B4GALT4: variants seen among roughly 807,000 people sequenced by gnomAD.
B4GALT4 encodes N-acetyllactosamine synthase.
In B4GALT4, 27 loss-of-function variants were observed where a neutral mutation model predicts 37.3. That is an observed-to-expected ratio of 0.72 (90% confidence interval 0.53 to 1.00). The LOEUF is 1.00. B4GALT4 is among the 50% of genes least tolerant of loss of function. The pLI, the probability that B4GALT4 is intolerant of heterozygous loss-of-function variation, is 0.00. For missense variants in B4GALT4, 372 were observed against 413.1 expected, an observed-to-expected ratio of 0.90 and a Z score of 0.86; for synonymous variants, 148 against 154.1, an observed-to-expected ratio of 0.96 and a Z score of 0.29.
intron 6 of B4GALT4, among the ~76,000 whole-genome samples, chr3:119,218,280 T>C (rs73854433): frequency 0.029 from 4,386 of 152,270 alleles, 217 homozygotes; most frequent in African/African-American, 0.099. Context: ...CACTGGGAAC[T>C]GTGTCCCCAA....
intron 6 of B4GALT4, among the ~76,000 whole-genome samples, chr3:119,218,365 G>A (rs1344412171): frequency 6.6e-6 from 1 of 152,168 alleles, no homozygotes; most frequent in East Asian, 1.9e-4. Flanking sequence ...CTTGCAGTTT[G>A]GGGTTTCTCA....
chr3:119,233,610 T>TA lies in B4GALT4; in HGVS notation c.-146+3242dup, dbSNP rs1441938474. ...CATATACTGAGGGATGACTGTAATT[T>TA]AAAAAAACAAAAACAAAAAAACCTA... is the stretch of plus-strand genomic sequence containing the variant. On this transcript the variant is annotated intron_variant, in intron 2 of 7. Transcript: ENST00000393765. Among the ~76,000 whole-genome samples, 10 of 152,038 alleles carry TA rather than the reference T, an allele frequency of 6.6e-5. No individual in the cohort carries two copies. In the South Asian group the frequency reaches 8.3e-4, roughly 13 times the overall value.
In B4GALT4 at chr3:119,230,161, T is replaced by C. The variant is rs1161665590; in HGVS notation, c.-62A>G. 1 of 1,585,628 alleles carries C rather than the reference T, an allele frequency of 6.3e-7. No homozygotes were observed. Among genetic ancestry groups the C allele is most frequent in the African/African-American group, 1.4e-5 (1 of 73,872 alleles). On this transcript the variant is annotated 5_prime_UTR_variant, in exon 3 of 8. Coordinates refer to ENST00000393765, the MANE Select transcript of B4GALT4 (RefSeq NM_003778.4). Reference sequence around the variant, plus strand: ...TCACTGCAGGCAAGAAAGCTTCAAGTTGAGCTTTTCCAATCTGATTGCGAA... The same window carrying C: ...TCACTGCAGGCAAGAAAGCTTCAAGCTGAGCTTTTCCAATCTGATTGCGAA...
chr3:119,223,383 C>A (rs528895289), intron 5 of B4GALT4, among the ~76,000 whole-genome samples: 1 of 152,296 alleles, frequency 6.6e-6, no homozygotes, highest in South Asian at 2.1e-4. Flanking sequence ...TATAGTGTTT[C>A]ATTTGCAGAG....
Position 119,216,253 on chromosome 3 carries a change from C to T in B4GALT4, c.889G>A (p.Val297Met). The T allele has an allele frequency of 6.2e-7, 1 of 1,613,394 alleles. No individual in the cohort carries two copies. Among genetic ancestry groups the T allele is most frequent in the Non-Finnish European group, 8.5e-7 (1 of 1,179,620 alleles). Residue 297 changes from valine (V) to methionine (M), a missense_variant, in exon 7 of 8, where the codon GTG (valine) becomes ATG (methionine). Transcript: ENST00000393765. ...VFHTRDKGNEVNAERMKLLHQ... is the reference protein window; with the variant it reads ...VFHTRDKGNEMNAERMKLLHQ... ...GCCAGGACTTACCGTTCTGCGTTCA[C>T]CTCATTGCCTTTGTCTCTAGTGTGG...
chr3:119,230,779 A>G (rs2078788033), intron 2 of B4GALT4, among the ~76,000 whole-genome samples: 1 of 152,148 alleles, frequency 6.6e-6, no homozygotes, highest in African/African-American at 2.4e-5. Context: ...GGCACAGGGC[A>G]CATTGCAATG....
intron 2 of B4GALT4, chr3:119,233,234 A>T (rs1260940857): frequency 3.3e-5 from 5 of 152,206 alleles, no homozygotes; most frequent in Admixed American, 3.3e-4. Context: ...GATCTTAAAG[A>T]CCACACATCC....
chr3:119,212,193 C>T lies in B4GALT4; in HGVS notation c.*356G>A. 2.8e-6 allele frequency: 2 copies of T among 703,046 alleles called. No homozygotes were observed. Among genetic ancestry groups the T allele is most frequent in the Non-Finnish European group, 5.2e-6 (2 of 385,008 alleles). 43.6% of individuals were successfully genotyped at this position (703,046 alleles called of 1,614,324 possible). ...TCTCAGACATTCAGCAGTCTTATTT[C>T]CTGTGGCCTTTTATCCCATAATATA... On this transcript the variant is annotated 3_prime_UTR_variant, in exon 8 of 8. Coordinates refer to ENST00000393765, the MANE Select transcript of B4GALT4 (RefSeq NM_003778.4).
At chr3:119,234,389 G>A (rs1383063125) in intron 2 of B4GALT4, among the ~76,000 whole-genome samples, 1 of 152,120 alleles carries the variant, frequency 6.6e-6, no homozygotes, top group Non-Finnish European at 1.5e-5. Flanking sequence ...CAAAGTGCTG[G>A]GATTACAGGC....
chr3:119,240,740 G>C (rs2079135943), intron 1 of B4GALT4, 110 bp downstream of exon 1: 1 of 152,330 alleles, frequency 6.6e-6, no homozygotes, highest in Admixed American at 6.5e-5. Context: ...CCCCACGCCC[G>C]CCCCGCTACA....
At chr3:119,231,873 A>G (rs2078835247) in intron 2 of B4GALT4, among the ~76,000 whole-genome samples, 1 of 148,108 alleles carries the variant, frequency 6.8e-6, no homozygotes, top group Admixed American at 6.8e-5. Context: ...ATAAATGTAT[A>G]TATTTTTGTA....
chr3:119,238,923 A>G (rs2079065830), intron 1 of B4GALT4, among the ~76,000 whole-genome samples: 1 of 152,260 alleles, frequency 6.6e-6, no homozygotes, highest in African/African-American at 2.4e-5. Flanking sequence ...GAAAAACTTC[A>G]GAGGCTGTTA....
At chr3:119,229,484 G>A (rs889083649) in intron 3 of B4GALT4, among the ~76,000 whole-genome samples, 1 of 152,350 alleles carries the variant, frequency 6.6e-6, no homozygotes, top group Admixed American at 6.5e-5. Context: ...CATAACGTAT[G>A]CTTCCGATTT....
intron 3 of B4GALT4, among the ~76,000 whole-genome samples, chr3:119,229,441 C>T (rs4234657): frequency 0.74 from 112,497 of 152,236 alleles, 41,796 homozygotes; most frequent in African/African-American, 0.81. Flanking sequence ...ACAAAAGTAA[C>T]GTTAAGCAAC....
At chr3:119,220,130 A>C (rs1220029152) in intron 5 of B4GALT4, among the ~76,000 whole-genome samples, 1 of 152,228 alleles carries the variant, frequency 6.6e-6, no homozygotes, top group Non-Finnish European at 1.5e-5. Flanking sequence ...ATATGCCCCT[A>C]ACTTAAAATT....
chr3:119,219,180 A>G (rs2078375812), intron 5 of B4GALT4, among the ~76,000 whole-genome samples: 1 of 152,234 alleles, frequency 6.6e-6, no homozygotes, highest in Admixed American at 6.5e-5. Flanking sequence ...AATGCGTGTC[A>G]TGATGAATAT....
intron 1 of B4GALT4, 38 bp from the exon 2 acceptor site, chr3:119,237,108 A>G (rs2079005916): frequency 6.6e-6 from 1 of 152,242 alleles, no homozygotes; most frequent in Non-Finnish European, 1.5e-5. Context: ...TTTGTGTAGT[A>G]TATGTTATGC....
chr3:119,220,080 T>C (rs1173363351), intron 5 of B4GALT4, among the ~76,000 whole-genome samples: 3 of 152,198 alleles, frequency 2.0e-5, no homozygotes, highest in East Asian at 1.9e-4. Context: ...GAGAAAAGAC[T>C]GGGGACTCTG....
At chr3:119,236,355 T>A (rs1559937287) in intron 2 of B4GALT4, 1 of 151,706 alleles carries the variant, frequency 6.6e-6, no homozygotes, top group African/African-American at 2.4e-5. Flanking sequence ...GAATTTTCAA[T>A]AAAGTTTGTA....
Sources: allele counts gnomAD v4.1 joint callset (sites outside exome capture counted in the v4.1 genomes callset), GRCh38; gene constraint gnomAD v4.1.1; transcripts MANE v1.5; gene names NCBI Gene and HGNC (gene_info 2026-07-23, HGNC 2026-07-21).